BTNL3: variants seen among roughly 807,000 people sequenced by gnomAD.
The protein encoded by BTNL3 is butyrophilin-like protein 3.
A neutral mutation model predicts 40.1 loss-of-function variants in BTNL3; 20 were observed. The ratio of observed to expected loss-of-function variants is 0.50; its 90% CI spans 0.35 to 0.72. BTNL3 has a LOEUF of 0.72. Ranked by LOEUF, BTNL3 falls within the 30% of genes least tolerant of loss-of-function variation. The pLI is 0.01. For missense variants in BTNL3, 449 were observed against 582.2 expected, an observed-to-expected ratio of 0.77 and a Z score of 2.35; for synonymous variants, 179 against 222.1, an observed-to-expected ratio of 0.81 and a Z score of 1.73.
chr5:180,998,064 A>C (rs541896896), intron 3 of BTNL3, among the ~76,000 whole-genome samples: 6 of 132,620 alleles, frequency 4.5e-5, no homozygotes, highest in South Asian at 4.4e-4. Context: ...GCAGAGCAAG[A>C]CTCCATCTCA....
Position 181,006,086 on chromosome 5 carries a change from T to C in BTNL3, c.*214T>C. Reference sequence around the variant, plus strand: ...AGATGAGGGGGGATTGGCCTGACCCTGTGGGAGTCAGAAGCCATGGCTGCC... The same window carrying C: ...AGATGAGGGGGGATTGGCCTGACCCCGTGGGAGTCAGAAGCCATGGCTGCC... On this transcript the variant is annotated 3_prime_UTR_variant, in exon 8 of 8. Coordinates refer to ENST00000342868, the MANE Select transcript of BTNL3 (RefSeq NM_197975.3). The C allele has an allele frequency of 1.9e-6, 1 of 533,222 alleles. No individual in the cohort carries two copies. The highest frequency in any genetic ancestry group is 3.2e-6 in the Non-Finnish European group (1 of 313,440). 33.0% of individuals were successfully genotyped at this position (533,222 alleles called of 1,614,324 possible).
intron 4 of BTNL3, among the ~76,000 whole-genome samples, chr5:181,003,232 T>A (rs1414842978): frequency 7.5e-6 from 1 of 133,322 alleles, no homozygotes; most frequent in Non-Finnish European, 1.7e-5. Flanking sequence ...ATTAGCTGGG[T>A]GTGGTGGTGC....
intron 1 of BTNL3, among the ~76,000 whole-genome samples, chr5:180,990,579 G>A (rs1582085454): frequency 7.3e-6 from 1 of 137,314 alleles, no homozygotes; most frequent in South Asian, 2.2e-4. Context: ...AGACGCTGTC[G>A]GCAAGACAAA....
chr5:181,006,622 A>G lies in BTNL3; in HGVS notation c.*750A>G, dbSNP rs965819159. ...ACTAAACAATATATTTAAAGATGAT[A>G]TATAACTACTCAGTGTGGTTTGTCC... is the stretch of plus-strand genomic sequence containing the variant. On this transcript the variant is annotated 3_prime_UTR_variant, in exon 8 of 8. Coordinates refer to ENST00000342868, the MANE Select transcript of BTNL3 (RefSeq NM_197975.3). 3 of 152,260 alleles carry G rather than the reference A, an allele frequency of 2.0e-5. No individual in the cohort carries two copies. The highest frequency in any genetic ancestry group is 7.2e-5 in the African/African-American group (3 of 41,470). 9.4% of individuals were successfully genotyped at this position (152,260 alleles called of 1,614,324 possible).
intron 4 of BTNL3, 101 bp from the exon 5 acceptor site, chr5:181,003,755 C>T (rs1268721033): frequency 2.1e-5 from 34 of 1,597,250 alleles, no homozygotes; most frequent in Non-Finnish European, 2.7e-5. Flanking sequence ...AGGCCCTGCC[C>T]TTCACACCTG....
chr5:180,995,034 G>A lies in BTNL3; in HGVS notation c.397+1874G>A, dbSNP rs751951405. On this transcript the variant is annotated intron_variant, in intron 2 of 7. Coordinates refer to ENST00000342868, the MANE Select transcript of BTNL3 (RefSeq NM_197975.3). ...GATCTCCTGATCTCATGATCCACCC[G>A]CCTTGGCCTCCCAAAGTGCTGGGAT... Among the ~76,000 whole-genome samples, 27 of 136,146 alleles carry A rather than the reference G, an allele frequency of 2.0e-4. 3 individuals are homozygous for A. Among genetic ancestry groups the A allele is most frequent in the African/African-American group, 2.5e-4 (10 of 39,696 alleles). 89.3% of individuals were successfully genotyped at this position (136,146 alleles called of 152,430 possible).
intron 3 of BTNL3, among the ~76,000 whole-genome samples, chr5:181,001,801 C>T (rs1247448791): frequency 2.2e-5 from 3 of 134,196 alleles, no homozygotes; most frequent in African/African-American, 7.7e-5. Context: ...GCCGAGATCG[C>T]GCCACTGCAC....
At chr5:181,000,050 A>G in intron 3 of BTNL3, among the ~76,000 whole-genome samples, 1 of 136,552 alleles carries the variant, frequency 7.3e-6, no homozygotes, top group African/African-American at 2.5e-5. Context: ...TTGAGTCAAC[A>G]TAATTTTGGT....
chr5:181,003,952 C>T (rs764147538), intron 5 of BTNL3, 76 bp downstream of exon 5: 70 of 1,612,566 alleles, frequency 4.3e-5, no homozygotes, highest in Middle Eastern at 1.6e-4. Context: ...AGCCTCTGGA[C>T]GACCCTGGCT....
rs1760021038 is a variant in BTNL3, at chr5:180,995,215, A to T, written c.398-1998A>T. Among the ~76,000 whole-genome samples the T allele has an allele frequency of 1.5e-5, 2 of 136,482 alleles. 1 individual carries two copies. Among genetic ancestry groups the T allele is most frequent in the Non-Finnish European group, 3.4e-5 (2 of 59,694 alleles). The allele number at this position is 136,482 out of a possible 152,430, so 89.5% of individuals were successfully genotyped here. A position where few individuals can be genotyped will look rare whatever the true frequency, so the allele number is the denominator to read the frequency against. The stretch of plus-strand genomic sequence containing the variant: ...AACATCTATGGTTTTTGTTTTTTAA[A>T]TTTTTTGAGAGAATTCATAATTGCT... On this transcript the variant is annotated intron_variant, in intron 2 of 7. Transcript: ENST00000342868.
At position 180,991,721 on chromosome 5, in the gene BTNL3, C is replaced by T. The variant is rs1190214490; in HGVS notation, c.50-1092C>T. Among the ~76,000 whole-genome samples the T allele has an allele frequency of 3.7e-5, 5 of 136,182 alleles. 2 individuals are homozygous for T. The East Asian group carries it at 8.6e-4, about 24-fold the overall frequency. 89.3% of individuals were successfully genotyped at this position (136,182 alleles called of 152,430 possible). On this transcript the variant is annotated intron_variant, in intron 1 of 7. Transcript: ENST00000342868. ...AGCTAAAAGTCGTGCAGGGAAGGCT[C>T]GCAGAAAACAAACAGTTATGTCACT...
Position 180,996,090 on chromosome 5 carries a change from C to T in BTNL3, c.398-1123C>T, listed in dbSNP as rs921122741. ...CCCTAGGGAATGACAGAGTACAACA[C>T]TCAGAGAGGAAGTTCTGTTTGGAGT... On this transcript the variant is annotated intron_variant, in intron 2 of 7. Coordinates refer to ENST00000342868, the MANE Select transcript of BTNL3 (RefSeq NM_197975.3). Among the ~76,000 whole-genome samples, 12 of 136,424 alleles carry T rather than the reference C, an allele frequency of 8.8e-5. 3 individuals carry two copies. The highest frequency in any genetic ancestry group is 8.4e-5 in the Non-Finnish European group (5 of 59,722). The allele number at this position is 136,424 out of a possible 152,430, so 89.5% of individuals were successfully genotyped here.
At position 180,991,660 on chromosome 5, in the gene BTNL3, T is replaced by C. The variant is rs971750557; in HGVS notation, c.50-1153T>C. ...TCTCCATGCTGGGCATGGGGAATCC[T>C]GTGCTGAGGGAAACACACACACTCT... is the stretch of plus-strand genomic sequence containing the variant. On this transcript the variant is annotated intron_variant, in intron 1 of 7. Coordinates refer to ENST00000342868, the MANE Select transcript of BTNL3 (RefSeq NM_197975.3). Among the ~76,000 whole-genome samples the C allele has an allele frequency of 1.5e-5, 2 of 137,084 alleles. 1 individual carries two copies. Among genetic ancestry groups the C allele is most frequent in the Admixed American group, 1.5e-4 (2 of 12,992 alleles). The allele number at this position is 137,084 out of a possible 152,430, so 89.9% of individuals were successfully genotyped here. A position where few individuals can be genotyped will look rare whatever the true frequency, so the allele number is the denominator to read the frequency against.
rs1760206918 is a variant in BTNL3 at position 181,005,455 on chromosome 5, G to C, written c.984G>C (p.Lys328Asn). 1 of 1,614,152 alleles carries C rather than the reference G, an allele frequency of 6.2e-7. No homozygotes were observed. The highest frequency in any genetic ancestry group is 1.7e-5 in the Admixed American group (1 of 60,024). Residue 328 changes from lysine (K) to asparagine (N), a missense_variant, in exon 8 of 8, where the codon AAG (lysine) becomes AAC (asparagine). Transcript: ENST00000342868. ...VPHSEKRFTR[K>N]SVVASQGFQA... Reference sequence around the variant, plus strand: ...ACTCTGAGAAGAGATTTACAAGGAAGAGTGTGGTGGCTTCTCAGGGTTTCC... The same window carrying C: ...ACTCTGAGAAGAGATTTACAAGGAACAGTGTGGTGGCTTCTCAGGGTTTCC...
At chr5:180,992,471 C>G (rs964585879) in intron 1 of BTNL3, among the ~76,000 whole-genome samples, 1 of 136,390 alleles carries the variant, frequency 7.3e-6, no homozygotes, top group African/African-American at 2.5e-5. Context: ...GAGGAGAGCA[C>G]GTGGAGATAG....
rs754555371 is a variant in BTNL3 at position 181,005,554 on chromosome 5, C to T, written c.1083C>T (p.Asp361=). Residue 361 remains aspartate, a synonymous_variant, in exon 8 of 8, where the codon GAC becomes GAT. Coordinates refer to ENST00000342868, the MANE Select transcript of BTNL3 (RefSeq NM_197975.3). ...VGWYVGVCRD[D]VDRGKNNVTL... ...GGTATGTGGGAGTGTGTCGGGATGA[C>T]GTAGACAGGGGGAAGAACAATGTGA... 22 of 1,613,930 alleles carry T rather than the reference C, an allele frequency of 1.4e-5. No homozygotes were observed. The highest frequency in any genetic ancestry group is 9.3e-5 in the African/African-American group (7 of 74,944).
At position 180,989,201 on chromosome 5, in the gene BTNL3, C is replaced by G; in HGVS notation, c.49+124C>G. The G allele has an allele frequency of 1.7e-6, 2 of 1,170,262 alleles. 1 individual carries two copies. Among genetic ancestry groups the G allele is most frequent in the Admixed American group, 7.1e-5 (2 of 28,124 alleles). The allele number at this position is 1,170,262 out of a possible 1,614,324, so 72.5% of individuals were successfully genotyped here. On this transcript the variant is annotated intron_variant, in intron 1 of 7. Coordinates refer to ENST00000342868, the MANE Select transcript of BTNL3 (RefSeq NM_197975.3). ...TTGGTGCTTGCATTCTCCAGCTTCT[C>G]CTGGCCTCAGGCTGGAAACTACCAA...
intron 1 of BTNL3, among the ~76,000 whole-genome samples, chr5:180,989,861 C>A (rs1759945777): frequency 1.5e-5 from 2 of 136,528 alleles, no homozygotes; most frequent in South Asian, 2.2e-4. Flanking sequence ...ATAAGGGGAT[C>A]AAAATCCATG....
Position 181,006,051 on chromosome 5 carries a change from C to G in BTNL3, c.*179C>G. The G allele has an allele frequency of 1.5e-6, 1 of 669,152 alleles. No homozygotes were observed. The allele number at this position is 669,152 out of a possible 1,614,324, so 41.5% of individuals were successfully genotyped here. On this transcript the variant is annotated 3_prime_UTR_variant, in exon 8 of 8. Transcript: ENST00000342868. The stretch of plus-strand genomic sequence containing the variant: ...CCCTGAGCCCTGCAGCAGCGGCAGT[C>G]ACAGCTTCCAGATGAGGGGGGATTG...
Sources: gnomAD v4.1 joint callset for allele counts (sites outside exome capture counted in the v4.1 genomes callset) on GRCh38, gnomAD v4.1.1 for gene constraint, MANE v1.5 for transcripts, NCBI Gene and HGNC (gene_info 2026-07-23, HGNC 2026-07-21) for gene names.